The following LRIF1 variants were observed in gnomAD, a reference collection of about 807,000 sequenced individuals.
The protein encoded by LRIF1 is ligand-dependent nuclear receptor-interacting factor 1.
Under a neutral mutation model 52.7 loss-of-function variants are expected in LRIF1, and 32 were observed. The ratio of observed to expected loss-of-function variants is 0.61; its 90% CI spans 0.46 to 0.82. LRIF1 has a LOEUF of 0.82. Ranked by LOEUF, LRIF1 falls within the 40% of genes least tolerant of loss-of-function variation. The probability of loss-of-function intolerance (pLI) is 0.00; values close to 1 mark genes in which losing one functional copy is unlikely to be tolerated. For synonymous variants in LRIF1, 323 were observed against 317.4 expected, an observed-to-expected ratio of 1.02 and a Z score of -0.19; for missense variants, 887 against 892.0, an observed-to-expected ratio of 0.99 and a Z score of 0.07.
At chr1:110,884,757 C>G in the LRIF1 span, among the ~76,000 whole-genome samples, 1 of 152,180 alleles carries the variant, frequency 6.6e-6, no homozygotes, top group Admixed American at 6.5e-5. Context: ...TATAGACACT[C>G]CAGCCTTTTT....
At chr1:110,886,571 A>G in the LRIF1 span, among the ~76,000 whole-genome samples, 12 of 151,996 alleles carry the variant, frequency 7.9e-5, no homozygotes, top group Non-Finnish European at 1.6e-4. Context: ...TTTTCTGGCC[A>G]GGCATGGTGG....
intron 3 of LRIF1, among the ~76,000 whole-genome samples, chr1:110,948,909 T>C (rs1012449472): frequency 1.3e-5 from 2 of 152,176 alleles, no homozygotes; most frequent in Admixed American, 6.5e-5. Context: ...ATTAAGAACA[T>C]ATGCATGCTT....
At chr1:110,945,740 A>G (rs1453402342), downstream of LRIF1, among the ~76,000 whole-genome samples, 1 of 152,142 alleles carries the variant, frequency 6.6e-6, no homozygotes, top group Non-Finnish European at 1.5e-5. Flanking sequence ...ATTTTCTACA[A>G]TACATTTGCA....
chr1:110,886,870 T>TATATATATATATATATATATATA, the LRIF1 span, among the ~76,000 whole-genome samples: 1 of 35,514 alleles, frequency 2.8e-5, no homozygotes, highest in African/African-American at 1.1e-4. Context: ...TATATATATA[T>TATATATATATATATATATATATA]TTTTTTTTTC....
At chr1:110,925,013 T>C in the LRIF1 span, among the ~76,000 whole-genome samples, 23 of 152,190 alleles carry the variant, frequency 1.5e-4, no homozygotes, top group Non-Finnish European at 3.4e-4. Context: ...AAACACCTTT[T>C]AATGAACTAG....
At chr1:110,887,294 G>A in the LRIF1 span, among the ~76,000 whole-genome samples, 10 of 152,118 alleles carry the variant, frequency 6.6e-5, no homozygotes, top group Middle Eastern at 3.2e-3. Context: ...TCGATCTCCT[G>A]ACCTTGTGAT....
At chr1:110,913,937 T>C in the LRIF1 span, among the ~76,000 whole-genome samples, 2 of 152,310 alleles carry the variant, frequency 1.3e-5, no homozygotes, top group Admixed American at 6.5e-5. Flanking sequence ...GTGGTACTTA[T>C]ACACTATGGA....
At chr1:110,888,373 GC>G in the LRIF1 span, among the ~76,000 whole-genome samples, 1 of 152,142 alleles carries the variant, frequency 6.6e-6, no homozygotes, top group African/African-American at 2.4e-5. Context: ...CAAAATCTCA[GC>G]TCTGCCAGGC....
At chr1:110,886,861 A>G in the LRIF1 span, among the ~76,000 whole-genome samples, 8 of 74,836 alleles carry the variant, frequency 1.1e-4, no homozygotes, top group African/African-American at 3.8e-4. Flanking sequence ...ATATATATAT[A>G]TATATATATT....
chr1:110,897,672 A>G, the LRIF1 span: 1 of 507,968 alleles, frequency 2.0e-6, no homozygotes, highest in East Asian at 3.1e-5. Context: ...TCATTCACGC[A>G]AAGAAAATAA....
chr1:110,884,695 ATCT>A, the LRIF1 span, among the ~76,000 whole-genome samples: 5 of 152,182 alleles, frequency 3.3e-5, no homozygotes, highest in South Asian at 1.0e-3. Flanking sequence ...TTATAAAGTA[ATCT>A]TCTTTATCCT....
the LRIF1 span, among the ~76,000 whole-genome samples, chr1:110,898,379 G>GAAA: frequency 7.3e-3 from 840 of 115,598 alleles, 18 homozygotes; most frequent in African/African-American, 0.019. Context: ...TCTGTCTCCA[G>GAAA]AAAAAAAAAA....
chr1:110,936,225 GACATTA>G, the LRIF1 span: 3 of 152,132 alleles, frequency 2.0e-5, no homozygotes, highest in East Asian at 5.8e-4. Flanking sequence ...GAAAGAAAAG[GACATTA>G]ACAAGCAATA....
the LRIF1 span, among the ~76,000 whole-genome samples, chr1:110,902,503 A>AAAAAAAAAAAAAAAAAAG: frequency 2.1e-5 from 3 of 143,046 alleles, no homozygotes; most frequent in African/African-American, 7.9e-5. Context: ...ACTAAAAAAA[A>AAAAAAAAAAAAAAAAAAG]AAAAAAAAAA....
At chr1:110,963,408 G>T (rs963550292) in intron 1 of LRIF1, 8 of 366,612 alleles carry the variant, frequency 2.2e-5, no homozygotes, top group Non-Finnish European at 3.6e-5. Flanking sequence ...CCGCGGAGCC[G>T]CTGTGTCAGG....
chr1:110,954,154 C>T (rs1190835771), intron 1 of LRIF1, among the ~76,000 whole-genome samples: 3 of 151,884 alleles, frequency 2.0e-5, no homozygotes, highest in Admixed American at 6.6e-5. Flanking sequence ...AAATCAATAC[C>T]CAAAATTCTA....
the LRIF1 span, among the ~76,000 whole-genome samples, chr1:110,887,667 A>T: frequency 6.6e-6 from 1 of 152,124 alleles, no homozygotes; most frequent in Non-Finnish European, 1.5e-5. Flanking sequence ...GTTCCCTATT[A>T]CTGAGGCTAC....
chr1:110,908,710 A>C, the LRIF1 span, among the ~76,000 whole-genome samples: 1 of 152,340 alleles, frequency 6.6e-6, no homozygotes, highest in African/African-American at 2.4e-5. Flanking sequence ...AATTTTAAGA[A>C]AATGAACAAA....
the LRIF1 span, among the ~76,000 whole-genome samples, chr1:110,900,523 T>C: frequency 6.6e-6 from 1 of 152,102 alleles, no homozygotes; most frequent in Non-Finnish European, 1.5e-5. Flanking sequence ...CCACCATGCC[T>C]GACTAATTTT....
Sources: allele counts gnomAD v4.1 joint callset (sites outside exome capture counted in the v4.1 genomes callset), GRCh38; gene constraint gnomAD v4.1.1; transcripts MANE v1.5; gene names NCBI Gene and HGNC (gene_info 2026-07-23, HGNC 2026-07-21).